The following MED9 variants were observed in gnomAD, a reference collection of about 807,000 sequenced individuals.
The protein encoded by MED9 is mediator complex subunit 9.
Under a neutral mutation model 13.2 loss-of-function variants are expected in MED9, and 8 were observed. That is an observed-to-expected ratio of 0.61 (90% CI 0.36 to 1.10). The LOEUF (loss-of-function observed/expected upper bound fraction) is 1.10, where lower values mean the gene tolerates loss of function less well. Among genes scored for constraint, MED9 ranks in the 50% least tolerant of loss-of-function variants. MED9 has a pLI of 0.02. For missense variants in MED9, 180 were observed against 193.4 expected (o/e 0.93, Z 0.41); for synonymous variants, 87 against 82.8 (o/e 1.05, Z -0.28).
intron 1 of MED9, among the ~76,000 whole-genome samples, chr17:17,480,420 C>A (rs1283271835): frequency 6.6e-6 from 1 of 151,974 alleles, no homozygotes; most frequent in Non-Finnish European, 1.5e-5. Context: ...TTCCACTAAG[C>A]CTTTTAGTGT....
intron 1 of MED9, among the ~76,000 whole-genome samples, chr17:17,477,914 G>A (rs1904955045): frequency 1.3e-5 from 2 of 152,212 alleles, no homozygotes; most frequent in Admixed American, 6.5e-5. Context: ...AGCCTTCAGG[G>A]TAGCCTGAGT....
chr17:17,491,175 C>G, intron 1 of MED9, 104 bp from the exon 2 acceptor site: 1 of 1,125,700 alleles, frequency 8.9e-7, no homozygotes. Flanking sequence ...ACGAAGTGTT[C>G]TAAAAGCTAT....
At position 17,491,772 on chromosome 17, in the gene MED9, G is replaced by A. The variant is rs1434291784; in HGVS notation, c.*277G>A. ...TCAGAATGCTCCTGGAGGCTGCAGAGGGGGTGGAGGACTCTCCCCTGCCTC... is the reference window on the plus strand; with the variant it reads ...TCAGAATGCTCCTGGAGGCTGCAGAAGGGGTGGAGGACTCTCCCCTGCCTC... On this transcript the variant is annotated 3_prime_UTR_variant, in exon 2 of 2. Transcript: ENST00000268711. 1 of 433,770 alleles carries A rather than the reference G, an allele frequency of 2.3e-6. No homozygotes were observed. Among genetic ancestry groups the A allele is most frequent in the South Asian group, 2.2e-5 (1 of 46,084 alleles). The allele number at this position is 433,770 out of a possible 1,614,324, so 26.9% of individuals were successfully genotyped here.
At chr17:17,481,770 T>C (rs1055828510) in intron 1 of MED9, among the ~76,000 whole-genome samples, 1 of 152,224 alleles carries the variant, frequency 6.6e-6, no homozygotes, top group African/African-American at 2.4e-5. Context: ...TTAGCATCTT[T>C]GTGTAGGAGT....
chr17:17,491,652 T>C lies in MED9; in HGVS notation c.*157T>C, dbSNP rs1905231913. ...TGTGCTGCTGCGCGCGCTTCGCCTG[T>C]GCGGGAGCCAGCGCAGAGCTTGGCT... On this transcript the variant is annotated 3_prime_UTR_variant, in exon 2 of 2. Coordinates refer to ENST00000268711, the MANE Select transcript of MED9 (RefSeq NM_018019.3). The C allele has an allele frequency of 2.8e-6, 2 of 711,628 alleles. No homozygotes were observed. Among genetic ancestry groups the C allele is most frequent in the Non-Finnish European group, 4.6e-6 (2 of 431,832 alleles). 44.1% of individuals were successfully genotyped at this position (711,628 alleles called of 1,614,324 possible). A position where few individuals can be genotyped will look rare whatever the true frequency, so the allele number is the denominator to read the frequency against.
At chr17:17,488,851 A>G (rs1905184090) in intron 1 of MED9, among the ~76,000 whole-genome samples, 1 of 151,992 alleles carries the variant, frequency 6.6e-6, no homozygotes, top group Non-Finnish European at 1.5e-5. Context: ...AAAGAAAAAA[A>G]GAAACCACAG....
In MED9 at chr17:17,491,464, G is replaced by C. The variant is rs774293876; in HGVS notation, c.410G>C (p.Ser137Thr). 1.2e-6 allele frequency: 2 copies of C among 1,613,776 alleles called. No homozygotes were observed. Among genetic ancestry groups the C allele is most frequent in the Non-Finnish European group, 1.7e-6 (2 of 1,179,880 alleles). ...TKNELLQKYK[S>T]LCMFEIPKE ...AATGAGCTTCTGCAAAAGTACAAGA[G>C]CCTCTGCATGTTCGAAATCCCCAAG... Residue 137 changes from serine to threonine, a missense_variant, in exon 2 of 2, where the codon AGC becomes ACC. Transcript: ENST00000268711.
intron 1 of MED9, among the ~76,000 whole-genome samples, chr17:17,481,800 T>C (rs1905037091): frequency 6.6e-6 from 1 of 152,210 alleles, no homozygotes; most frequent in East Asian, 1.9e-4. Context: ...ATCAGATAAA[T>C]CCCAGCAGTA....
chr17:17,491,913 T>A lies in MED9; in HGVS notation c.*418T>A, dbSNP rs1025235054. ...TCTCTCTCCTCCCACCCCCATAGGA[T>A]CAGTGTGTACCAGGTACACATTGTT... On this transcript the variant is annotated 3_prime_UTR_variant, in exon 2 of 2. Transcript: ENST00000268711. 2.0e-4 allele frequency: 57 copies of A among 279,556 alleles called. No homozygotes were observed. Among genetic ancestry groups the A allele is most frequent in the African/African-American group, 1.2e-3 (56 of 46,036 alleles). 17.3% of individuals were successfully genotyped at this position (279,556 alleles called of 1,614,324 possible). A position where few individuals can be genotyped will look rare whatever the true frequency, so the allele number is the denominator to read the frequency against.
chr17:17,491,150 G>A, intron 1 of MED9, 129 bp from the exon 2 acceptor site: 1 of 878,254 alleles, frequency 1.1e-6, no homozygotes, highest in Admixed American at 2.1e-5. Flanking sequence ...CCTAGTCAGG[G>A]GATAGACACA....
At chr17:17,485,596 AGT>A (rs1905114809) in intron 1 of MED9, 1 of 353,870 alleles carries the variant, frequency 2.8e-6, no homozygotes, top group Non-Finnish European at 5.0e-6. Flanking sequence ...TGGCCAGTAG[AGT>A]GTGTAGGTGG....
chr17:17,491,312 C>T lies in MED9; in HGVS notation c.258C>T (p.Asp86=). 4 of 1,613,904 alleles carry T rather than the reference C, an allele frequency of 2.5e-6. No homozygotes were observed. The highest frequency in any genetic ancestry group is 1.1e-5 in the South Asian group (1 of 91,080). The change falls in exon 2 of 2, where the codon GAC becomes GAT. Residue 86 remains aspartate (D), a synonymous_variant. Coordinates refer to ENST00000268711, the MANE Select transcript of MED9 (RefSeq NM_018019.3). ...MDKDSPEVHQ[D]LNALKSKFQE... ...AGGACAGCCCGGAGGTCCACCAGGA[C>T]CTGAACGCCCTCAAAAGCAAGTTCC... is the stretch of plus-strand genomic sequence containing the variant.
chr17:17,490,594 CAA>C (rs1905211520), intron 1 of MED9, among the ~76,000 whole-genome samples: 1 of 152,194 alleles, frequency 6.6e-6, no homozygotes, highest in South Asian at 2.1e-4. Context: ...GAACTTGACT[CAA>C]AGACAAGGAC....
chr17:17,487,479 C>G (rs1035602706), intron 1 of MED9: 1 of 160,838 alleles, frequency 6.2e-6, no homozygotes, highest in African/African-American at 2.4e-5. Flanking sequence ...CCGGGAGGAA[C>G]GAACAACTCC....
Position 17,477,105 on chromosome 17 carries a change from C to CAGCCGCTGCCTGACACCA in MED9, c.75_92dup (p.Asp26_Pro31dup). The CAGCCGCTGCCTGACACCA allele has an allele frequency of 6.2e-7, 1 of 1,607,242 alleles. No homozygotes were observed. The highest frequency in any genetic ancestry group is 8.5e-7 in the Non-Finnish European group (1 of 1,178,994). On this transcript the variant is annotated inframe_insertion, in exon 1 of 2. Transcript: ENST00000268711. The stretch of plus-strand genomic sequence containing the variant: ...GGATGTATTGCCGCCAACGTCCGAC[C>CAGCCGCTGCCTGACACCA]AGCCGCTGCCTGACACCAAGCCGCT...
intron 1 of MED9, among the ~76,000 whole-genome samples, chr17:17,478,183 A>C (rs1277538657): frequency 1.3e-5 from 2 of 152,174 alleles, no homozygotes; most frequent in African/African-American, 4.8e-5. Context: ...TTTTGTAGAG[A>C]TGGAGTTTCA....
rs1210627017 is a variant in MED9 at position 17,483,935 on chromosome 17, C to CA, written c.224+6684dup. Among the ~76,000 whole-genome samples, 1,761 of 94,872 alleles carry CA rather than the reference C, an allele frequency of 0.019. 17 individuals are homozygous for CA. The highest frequency in any genetic ancestry group is 0.056 in the Middle Eastern group (8 of 142). 62.2% of individuals were successfully genotyped at this position (94,872 alleles called of 152,430 possible). On this transcript the variant is annotated intron_variant, in intron 1 of 1. Coordinates refer to ENST00000268711, the MANE Select transcript of MED9 (RefSeq NM_018019.3). The surrounding 1 kb of genome is among the most constrained non-coding windows in gnomAD (Gnocchi z 4.2). Reference sequence around the variant, plus strand: ...CTGGCGACAGAGCGAGACTCCATCTCAAAAAAAAAAAAAAGAATGAGGAAA... The same window carrying CA: ...CTGGCGACAGAGCGAGACTCCATCTCAAAAAAAAAAAAAAAGAATGAGGAAA...
chr17:17,487,692 C>A, intron 1 of MED9: 1 of 174,474 alleles, frequency 5.7e-6, no homozygotes, highest in South Asian at 1.7e-4. Context: ...TCAGTGAGAC[C>A]AAGAACCCAC....
intron 1 of MED9, among the ~76,000 whole-genome samples, chr17:17,480,047 A>T (rs1192939286): frequency 6.6e-6 from 1 of 152,152 alleles, no homozygotes; most frequent in Non-Finnish European, 1.5e-5. Context: ...CCCACCTCCC[A>T]TCCCCTCCAA....
Sources: allele counts gnomAD v4.1 joint callset (sites outside exome capture counted in the v4.1 genomes callset), GRCh38; gene constraint gnomAD v4.1.1; non-coding constraint Gnocchi (gnomAD v3.1); transcripts MANE v1.5; gene names NCBI Gene and HGNC (gene_info 2026-07-23, HGNC 2026-07-21).